Variants in OXR1 observed in about 807,000 individuals in gnomAD.
OXR1 encodes oxidation resistance 1, also known as oxidation resistance protein 1.
A neutral mutation model predicts 104.6 loss-of-function variants in OXR1; 41 were observed. That is an observed-to-expected ratio of 0.39 (90% CI 0.31 to 0.51). OXR1 has a LOEUF of 0.51. OXR1 is among the 20% of genes least tolerant of loss of function. The pLI is 0.77. For missense variants in OXR1, 955 were observed against 1,031.9 expected (o/e 0.93, Z 1.02); for synonymous variants, 348 against 348.4 (o/e 1.00, Z 0.01).
intron 2 of OXR1, among the ~76,000 whole-genome samples, chr8:106,493,112 C>G (rs909107371): frequency 1.3e-4 from 20 of 152,174 alleles, no homozygotes; most frequent in African/African-American, 4.8e-4. Flanking sequence ...AATTATTATA[C>G]ATTCTTAAAT....
intron 16 of OXR1, among the ~76,000 whole-genome samples, chr8:106,746,791 T>G (rs1835431230): frequency 6.6e-6 from 1 of 152,130 alleles, no homozygotes; most frequent in African/African-American, 2.4e-5. Context: ...ATTATACCTT[T>G]TGGGGGGGGT....
At chr8:106,540,033 TTTC>T (rs1456586181) in intron 3 of OXR1, among the ~76,000 whole-genome samples, 1 of 152,228 alleles carries the variant, frequency 6.6e-6, no homozygotes, top group Admixed American at 6.5e-5. Flanking sequence ...TAAATATTTA[TTTC>T]TTTTCTGTCT....
chr8:106,392,945 A>T (rs943897463), intron 2 of OXR1, among the ~76,000 whole-genome samples: 2 of 152,134 alleles, frequency 1.3e-5, no homozygotes, highest in Non-Finnish European at 2.9e-5. Flanking sequence ...CGCAGCTTCA[A>T]AACAATTACC....
intron 11 of OXR1, among the ~76,000 whole-genome samples, chr8:106,725,858 A>G (rs1232345484): frequency 6.6e-6 from 1 of 152,224 alleles, no homozygotes; most frequent in African/African-American, 2.4e-5. Context: ...ATGTGCTTTA[A>G]GAGACTCTGG....
At chr8:106,415,013 G>C (rs974915681) in intron 2 of OXR1, among the ~76,000 whole-genome samples, 2 of 152,056 alleles carry the variant, frequency 1.3e-5, no homozygotes, top group African/African-American at 4.8e-5. Flanking sequence ...TTACTGTGAG[G>C]GGTGATGGCC....
chr8:106,549,864 C>T (rs557611473), intron 3 of OXR1, among the ~76,000 whole-genome samples: 205 of 152,298 alleles, frequency 1.3e-3, no homozygotes, highest in African/African-American at 4.7e-3. Flanking sequence ...TAAGTGTCAA[C>T]ATATGACTTT....
At chr8:106,665,761 T>C (rs974306078) in intron 3 of OXR1, among the ~76,000 whole-genome samples, 86 of 152,252 alleles carry the variant, frequency 5.6e-4, no homozygotes, top group Non-Finnish European at 5.1e-4. Context: ...GTGATACTAG[T>C]ACAAAAAGGA....
chr8:106,293,219 C>T (rs558605108), intron 1 of OXR1, among the ~76,000 whole-genome samples: 1 of 152,156 alleles, frequency 6.6e-6, no homozygotes, highest in African/African-American at 2.4e-5. Flanking sequence ...ACATGAGAAG[C>T]TTGGGCCAAA....
chr8:106,343,362 T>C (rs987143763), intron 1 of OXR1, among the ~76,000 whole-genome samples: 1 of 152,232 alleles, frequency 6.6e-6, no homozygotes, highest in African/African-American at 2.4e-5. Context: ...AAAATGGAAC[T>C]AATGGCAACT....
Position 106,731,520 on chromosome 8 carries a change from G to A in OXR1, c.1957-6000G>A, listed in dbSNP as rs575642618. ...AGGGTCACCAAGATTTTTTTCCTGT[G>A]CTATTTTCTAGGAGATCCATAGTTT... is the stretch of plus-strand genomic sequence containing the variant. On this transcript the variant is annotated intron_variant, in intron 11 of 16. Transcript: ENST00000517566. 1.5e-4 allele frequency among the ~76,000 whole-genome samples: 23 copies of A among 152,096 alleles called. No homozygotes were observed. In the East Asian group the frequency reaches 4.4e-3, roughly 29 times the overall value.
chr8:106,431,452 T>C (rs1057412101), intron 2 of OXR1, among the ~76,000 whole-genome samples: 1 of 152,214 alleles, frequency 6.6e-6, no homozygotes, highest in African/African-American at 2.4e-5. Context: ...ATTAAACTTA[T>C]GATTTATAGG....
At chr8:106,487,694 T>C (rs1435876144) in intron 2 of OXR1, among the ~76,000 whole-genome samples, 2 of 150,710 alleles carry the variant, frequency 1.3e-5, no homozygotes, top group East Asian at 2.0e-4. Flanking sequence ...GTTCTTGCGA[T>C]AGTTTACTGA....
At chr8:106,378,657 G>A (rs538703188) in intron 2 of OXR1, among the ~76,000 whole-genome samples, 1 of 152,236 alleles carries the variant, frequency 6.6e-6, no homozygotes, top group South Asian at 2.1e-4. Context: ...TTACAGGCAT[G>A]TGCCACCACG....
chr8:106,290,409 A>C (rs1287019472), intron 1 of OXR1, among the ~76,000 whole-genome samples: 1 of 152,198 alleles, frequency 6.6e-6, no homozygotes, highest in Non-Finnish European at 1.5e-5. Context: ...ATGTTTTGCT[A>C]AGTCCCAAAA....
chr8:106,604,276 G>A (rs1049014166), intron 3 of OXR1, among the ~76,000 whole-genome samples: 2 of 152,122 alleles, frequency 1.3e-5, no homozygotes, highest in African/African-American at 4.8e-5. Flanking sequence ...AAAGCATTAT[G>A]ACTCCTATGG....
chr8:106,338,639 G>C (rs940507576), intron 1 of OXR1, among the ~76,000 whole-genome samples: 3 of 150,858 alleles, frequency 2.0e-5, no homozygotes, highest in African/African-American at 7.3e-5. Context: ...AAAAACCACT[G>C]TTCTGCTATA....
At chr8:106,315,935 G>C (rs1813915780) in intron 1 of OXR1, among the ~76,000 whole-genome samples, 1 of 152,092 alleles carries the variant, frequency 6.6e-6, no homozygotes. Flanking sequence ...ACTTCGACAT[G>C]AACTAAAGAA....
At chr8:106,668,121 T>TTTACTA (rs1183560753) in intron 3 of OXR1, among the ~76,000 whole-genome samples, 1 of 152,204 alleles carries the variant, frequency 6.6e-6, no homozygotes, top group Non-Finnish European at 1.5e-5. Flanking sequence ...CATTTTACTA[T>TTTACTA]TTTTACATTG....
chr8:106,658,308 CGGGCAACGTGGCCGGGGT>C (rs1825370311), intron 3 of OXR1: 1 of 1,148,802 alleles, frequency 8.7e-7, no homozygotes, highest in Non-Finnish European at 1.1e-6. Flanking sequence ...TGGGCCGGGG[CGGGCAACGTGGCCGGGGT>C]GGCGGCCGCC....
Sources: allele counts gnomAD v4.1 joint callset (sites outside exome capture counted in the v4.1 genomes callset), GRCh38; gene constraint gnomAD v4.1.1; transcripts MANE v1.5; gene names NCBI Gene and HGNC (gene_info 2026-07-23, HGNC 2026-07-21).